Variants in SIL1 observed in about 807,000 individuals in gnomAD.
SIL1 encodes the protein nucleotide exchange factor SIL1.
SIL1 carries 40 observed loss-of-function variants against 49.1 expected under a neutral mutation model. The observed-to-expected ratio is 0.81, with a 90% CI of 0.63 to 1.06. The LOEUF (loss-of-function observed/expected upper bound fraction) is 1.06. Ranked by LOEUF, SIL1 falls within the 50% of genes least tolerant of loss-of-function variation. The pLI, the probability that SIL1 is intolerant of heterozygous loss-of-function variation, is 0.00. For synonymous variants in SIL1, 253 were observed against 250.8 expected, an observed-to-expected ratio of 1.01 and a Z score of -0.08; for missense variants, 500 against 572.6, an observed-to-expected ratio of 0.87 and a Z score of 1.29.
chr5:139,075,552 G>A (rs1001389532), intron 3 of SIL1, among the ~76,000 whole-genome samples: 14 of 152,066 alleles, frequency 9.2e-5, no homozygotes, highest in Admixed American at 1.3e-4. Flanking sequence ...CTACACAGTC[G>A]CTGCCGCCTC....
At chr5:139,068,374 G>A (rs1244330566) in intron 3 of SIL1, among the ~76,000 whole-genome samples, 1 of 152,198 alleles carries the variant, frequency 6.6e-6, no homozygotes, top group African/African-American at 2.4e-5. Flanking sequence ...CAAGAAGTCT[G>A]GGGTAGGACT....
chr5:139,057,802 G>A (rs1769488703), intron 3 of SIL1, among the ~76,000 whole-genome samples: 1 of 152,170 alleles, frequency 6.6e-6, no homozygotes, highest in Non-Finnish European at 1.5e-5. Flanking sequence ...TCTGGAGACT[G>A]GGAAGTCCAA....
chr5:138,981,592 C>T (rs541783596), intron 7 of SIL1, among the ~76,000 whole-genome samples: 1 of 152,158 alleles, frequency 6.6e-6, no homozygotes, highest in Non-Finnish European at 1.5e-5. Context: ...CCAGGATATT[C>T]CCCCCTGGGA....
intron 7 of SIL1, among the ~76,000 whole-genome samples, chr5:138,990,873 A>T (rs1404762678): frequency 6.6e-6 from 1 of 152,092 alleles, no homozygotes; most frequent in African/African-American, 2.4e-5. Flanking sequence ...CCATCATCAC[A>T]TCTGTCTAAT....
chr5:139,054,597 A>G (rs975435392), intron 3 of SIL1, among the ~76,000 whole-genome samples: 4 of 152,176 alleles, frequency 2.6e-5, no homozygotes, highest in African/African-American at 4.8e-5. Flanking sequence ...GTAATATAAT[A>G]AAAATAGTAT....
intron 3 of SIL1, among the ~76,000 whole-genome samples, chr5:139,120,151 A>G (rs1486018727): frequency 1.3e-5 from 2 of 152,238 alleles, no homozygotes; most frequent in East Asian, 1.9e-4. Context: ...ATGGTGATGA[A>G]TATCAGCAAG....
chr5:139,135,483 G>C (rs2151799105), intron 1 of SIL1, among the ~76,000 whole-genome samples: 1 of 152,320 alleles, frequency 6.6e-6, no homozygotes, highest in Middle Eastern at 3.4e-3. Context: ...TGGCAGTACA[G>C]ATGTTAGCCC....
intron 1 of SIL1, among the ~76,000 whole-genome samples, chr5:139,197,927 C>G (rs1214408318): frequency 1.3e-5 from 2 of 152,184 alleles, no homozygotes; most frequent in African/African-American, 4.8e-5. Flanking sequence ...ACCAAACCAC[C>G]CCTTCTTCGG....
chr5:139,173,069 A>C (rs557415711), intron 1 of SIL1, among the ~76,000 whole-genome samples: 1 of 152,322 alleles, frequency 6.6e-6, no homozygotes, highest in East Asian at 1.9e-4. Flanking sequence ...TTAGACACAC[A>C]ACGTGTAAGA....
chr5:138,952,208 G>A (rs1015557838), intron 7 of SIL1, among the ~76,000 whole-genome samples: 9 of 152,280 alleles, frequency 5.9e-5, no homozygotes, highest in African/African-American at 1.4e-4. Context: ...CTCCTTCAGC[G>A]TCCCTCCCGT....
chr5:139,148,883 C>A (rs76475077), intron 1 of SIL1, among the ~76,000 whole-genome samples: 3 of 152,200 alleles, frequency 2.0e-5, no homozygotes, highest in Admixed American at 1.3e-4. Context: ...GGAGGCAATT[C>A]TTTCCAATTA....
chr5:138,958,390 G>A (rs1003645891), intron 7 of SIL1, among the ~76,000 whole-genome samples: 3 of 152,110 alleles, frequency 2.0e-5, no homozygotes, highest in Non-Finnish European at 4.4e-5. Flanking sequence ...TGCATACTTG[G>A]TTATGGTGGT....
chr5:139,000,955 T>C (rs945260615), intron 7 of SIL1, among the ~76,000 whole-genome samples: 11 of 150,616 alleles, frequency 7.3e-5, no homozygotes, highest in Non-Finnish European at 1.5e-4. Context: ...TGGGAAAAAA[T>C]AGGGAAAAGA....
chr5:139,056,227 A>G (rs927544732), intron 3 of SIL1, among the ~76,000 whole-genome samples: 4 of 146,186 alleles, frequency 2.7e-5, no homozygotes, highest in African/African-American at 5.2e-5. Context: ...GGAAGTGAGG[A>G]GCGCCTCTTC....
At chr5:139,170,450 C>A (rs1751728812) in intron 1 of SIL1, among the ~76,000 whole-genome samples, 1 of 151,318 alleles carries the variant, frequency 6.6e-6, no homozygotes, top group Non-Finnish European at 1.5e-5. Flanking sequence ...GCCATCCCAT[C>A]TAGGAAGTGA....
At chr5:139,096,911 C>T (rs1263727430) in intron 3 of SIL1, among the ~76,000 whole-genome samples, 1 of 152,030 alleles carries the variant, frequency 6.6e-6, no homozygotes, top group African/African-American at 2.4e-5. Context: ...CAGGATCTGA[C>T]TCTTGGATGA....
chr5:138,984,307 C>A (rs180882547), intron 7 of SIL1, among the ~76,000 whole-genome samples: 7 of 151,960 alleles, frequency 4.6e-5, no homozygotes, highest in African/African-American at 1.7e-4. Flanking sequence ...TGATACTATC[C>A]CACCAACCCT....
At chr5:139,060,523 AT>A (rs78155592) in intron 3 of SIL1, among the ~76,000 whole-genome samples, 2,468 of 140,762 alleles carry the variant, frequency 0.018, 58 homozygotes, top group African/African-American at 0.05. Flanking sequence ...TAGTCCTCCA[AT>A]TTTTTTTTTT....
intron 2 of SIL1, among the ~76,000 whole-genome samples, chr5:139,126,646 T>A (rs866869980): frequency 6.6e-6 from 1 of 152,166 alleles, no homozygotes; most frequent in African/African-American, 2.4e-5. Context: ...CAACAGGATC[T>A]CAGAGGGCAT....
Sources: allele counts gnomAD v4.1 joint callset (sites outside exome capture counted in the v4.1 genomes callset), GRCh38; gene constraint gnomAD v4.1.1; transcripts MANE v1.5; gene names NCBI Gene and HGNC (gene_info 2026-07-23, HGNC 2026-07-21).